Variants in ATXN10 observed in about 807,000 individuals in gnomAD.
ATXN10 encodes the protein ataxin-10.
In ATXN10, 28 loss-of-function variants were observed where a neutral mutation model predicts 52.9. The observed-to-expected ratio is 0.53, with a 90% CI of 0.39 to 0.73. ATXN10 has a LOEUF of 0.73. Among genes scored for constraint, ATXN10 ranks in the 30% least tolerant of loss-of-function variants. The pLI is 0.00. For missense variants in ATXN10, 565 were observed against 577.0 expected, an observed-to-expected ratio of 0.98 and a Z score of 0.21; for synonymous variants, 226 against 221.5, an observed-to-expected ratio of 1.02 and a Z score of -0.18.
rs759915005 is a variant in ATXN10, at chr22:45,708,674, C to G, written c.647+5827C>G. ...TTTCTTTTTGAGACAGAGTCTCACT[C>G]TGTTGCCCAGGCTGGAGTGCAGTGG... is the stretch of plus-strand genomic sequence containing the variant. On this transcript the variant is annotated intron_variant, in intron 5 of 11. Transcript: ENST00000252934. This position sits in a 1 kb window ranked among gnomAD's most constrained non-coding sequence, Gnocchi z 5.3. Among the ~76,000 whole-genome samples the G allele has an allele frequency of 1.6e-4, 25 of 152,306 alleles. No homozygotes were observed. The East Asian group carries it at 4.8e-3, about 29-fold the overall frequency.
chr22:45,788,274 C>G (rs1000125636), intron 9 of ATXN10, among the ~76,000 whole-genome samples: 2 of 152,034 alleles, frequency 1.3e-5, no homozygotes, highest in African/African-American at 4.8e-5. Flanking sequence ...GTGCCTCCCG[C>G]GAAATATGCC....
chr22:45,821,146 C>G (rs534536391), intron 10 of ATXN10, among the ~76,000 whole-genome samples: 13 of 152,218 alleles, frequency 8.5e-5, no homozygotes, highest in African/African-American at 3.1e-4. Context: ...AATATTTTCC[C>G]AGTTTTTTGA....
chr22:45,754,544 C>T lies in ATXN10; in HGVS notation c.1173+14006C>T, dbSNP rs1487226669. On this transcript the variant is annotated intron_variant, in intron 9 of 11. Coordinates refer to ENST00000252934, the MANE Select transcript of ATXN10 (RefSeq NM_013236.4). This position sits in a 1 kb window ranked among gnomAD's most constrained non-coding sequence, Gnocchi z 5.4. Reference sequence around the variant, plus strand: ...TAAGTTAAATGTGCAGGAAAGGCTTCCTCAAAGCCACTCAGTGGTGGGAGT... The same window carrying T: ...TAAGTTAAATGTGCAGGAAAGGCTTTCTCAAAGCCACTCAGTGGTGGGAGT... 2.0e-5 allele frequency among the ~76,000 whole-genome samples: 3 copies of T among 152,146 alleles called. No individual in the cohort carries two copies. Among genetic ancestry groups the T allele is most frequent in the African/African-American group, 7.2e-5 (3 of 41,438 alleles).
chr22:45,682,276 ACTT>A (rs369100013), intron 1 of ATXN10, among the ~76,000 whole-genome samples: 73 of 150,872 alleles, frequency 4.8e-4, no homozygotes, highest in East Asian at 2.0e-3. Context: ...GGCTTTAATA[ACTT>A]CCGTTTGCTG....
At chr22:45,703,231 G>A (rs1038441857) in intron 5 of ATXN10, among the ~76,000 whole-genome samples, 1 of 152,204 alleles carries the variant, frequency 6.6e-6, no homozygotes, top group Non-Finnish European at 1.5e-5. Context: ...CTGTGCAGAT[G>A]AGATAGAGAC....
At position 45,795,354 on chromosome 22, in the gene ATXN10, GATTCTATTCTATTCT is replaced by G. The variant is rs60726084; in HGVS notation, c.1174-11549_1174-11535del. ...ATCCAACTAAAAGACTACTAGAATG[GATTCTATTCTATTCT>G]ATTCTATTCTATTCTATTCTATTCT... On this transcript the variant is annotated intron_variant, in intron 9 of 11. Coordinates refer to ENST00000252934, the MANE Select transcript of ATXN10 (RefSeq NM_013236.4). The surrounding 1 kb of genome is among the most constrained non-coding windows in gnomAD (Gnocchi z 4.6). 0.022 allele frequency among the ~76,000 whole-genome samples: 2,747 copies of G among 126,616 alleles called. 45 individuals are homozygous for G. Among genetic ancestry groups the G allele is most frequent in the African/African-American group, 0.036 (1,188 of 33,322 alleles). 83.1% of individuals were successfully genotyped at this position (126,616 alleles called of 152,430 possible). A position where few individuals can be genotyped will look rare whatever the true frequency, so the allele number is the denominator to read the frequency against.
intron 9 of ATXN10, among the ~76,000 whole-genome samples, chr22:45,804,309 G>A (rs1490857741): frequency 8.5e-5 from 13 of 152,198 alleles, no homozygotes; most frequent in Admixed American, 8.5e-4. Context: ...AGAATTAAAC[G>A]AAGTCATTAA....
rs1569028382 is a variant in ATXN10, at chr22:45,701,089, C to G, written c.488+711C>G. The stretch of plus-strand genomic sequence containing the variant: ...CACAGTCTGGGAGTGGGAGACCTGG[C>G]TTTGAATCTAGGCTTTGGTGCCAAT... On this transcript the variant is annotated intron_variant, in intron 4 of 11. Transcript: ENST00000252934. The surrounding 1 kb of genome is among the most constrained non-coding windows in gnomAD (Gnocchi z 4.2). Among the ~76,000 whole-genome samples the G allele has an allele frequency of 6.6e-6, 1 of 152,140 alleles. No homozygotes were observed. The highest frequency in any genetic ancestry group is 1.5e-5 in the Non-Finnish European group (1 of 68,022).
Position 45,718,535 on chromosome 22 carries a change from A to G in ATXN10, c.728+42A>G, listed in dbSNP as rs984637284. ...CGTGGTCTGGAGTATTTAGCATTCC[A>G]TATAGGGTATTCGATGCACGTGACT... On this transcript the variant is annotated intron_variant, in intron 6 of 11. Transcript: ENST00000252934. This position sits in a 1 kb window ranked among gnomAD's most constrained non-coding sequence, Gnocchi z 4.4. The G allele has an allele frequency of 7.3e-6, 11 of 1,514,616 alleles. No individual in the cohort carries two copies. The highest frequency in any genetic ancestry group is 2.2e-5 in the South Asian group (2 of 89,062). The allele number at this position is 1,514,616 out of a possible 1,614,324, so 93.8% of individuals were successfully genotyped here. A position where few individuals can be genotyped will look rare whatever the true frequency, so the allele number is the denominator to read the frequency against.
chr22:45,671,950 C>G lies in ATXN10; in HGVS notation c.-114C>G, dbSNP rs946820768. On this transcript the variant is annotated 5_prime_UTR_variant, in exon 1 of 12. Coordinates refer to ENST00000252934, the MANE Select transcript of ATXN10 (RefSeq NM_013236.4). ...CGGCGGCGGTTAGGGCTGTGTAGGG[C>G]GAGGCCTCCCCCTTCCTCCTCGCCA... The G allele has an allele frequency of 9.3e-5, 113 of 1,219,724 alleles. 1 individual carries two copies. The highest frequency in any genetic ancestry group is 6.7e-4 in the South Asian group (49 of 73,224). The allele number at this position is 1,219,724 out of a possible 1,614,324, so 75.6% of individuals were successfully genotyped here.
intron 9 of ATXN10, among the ~76,000 whole-genome samples, chr22:45,747,497 C>T (rs997346200): frequency 1.1e-4 from 17 of 151,454 alleles, no homozygotes; most frequent in Admixed American, 1.1e-3. Context: ...GTGTGAGACC[C>T]TGTTTAAAAA....
chr22:45,756,600 A>G (rs1480935203), intron 9 of ATXN10, among the ~76,000 whole-genome samples: 4 of 152,242 alleles, frequency 2.6e-5, no homozygotes, highest in Admixed American at 2.6e-4. Flanking sequence ...GCTTGAAAAG[A>G]AAAGAGCTAA....
intron 9 of ATXN10, among the ~76,000 whole-genome samples, chr22:45,803,135 T>C (rs1927982826): frequency 6.6e-6 from 1 of 152,228 alleles, no homozygotes; most frequent in Non-Finnish European, 1.5e-5. Flanking sequence ...AGTTACTCTT[T>C]GAAGAAGGCA....
chr22:45,822,644 C>G (rs767056639), intron 10 of ATXN10, among the ~76,000 whole-genome samples: 1 of 150,452 alleles, frequency 6.6e-6, no homozygotes, highest in African/African-American at 2.5e-5. Context: ...GATTCTCCTG[C>G]CTGAGCCCCA....
At chr22:45,709,841 A>C (rs976766506) in intron 5 of ATXN10, among the ~76,000 whole-genome samples, 1 of 152,026 alleles carries the variant, frequency 6.6e-6, no homozygotes, top group Non-Finnish European at 1.5e-5. Flanking sequence ...TACTCTACCA[A>C]TGTTTATCCT....
At chr22:45,745,651 A>G (rs1925698863) in intron 9 of ATXN10, among the ~76,000 whole-genome samples, 1 of 152,232 alleles carries the variant, frequency 6.6e-6, no homozygotes, top group East Asian at 1.9e-4. Flanking sequence ...ACATAAAATA[A>G]TCTTTGTAAT....
rs1924525391 is a variant in ATXN10, at chr22:45,718,395, C to T, written c.648-18C>T. 4.4e-6 allele frequency: 7 copies of T among 1,599,648 alleles called. No individual in the cohort carries two copies. The highest frequency in any genetic ancestry group is 6.0e-6 in the Non-Finnish European group (7 of 1,167,030). On this transcript the variant is annotated intron_variant, in intron 5 of 11. Transcript: ENST00000252934. This position sits in a 1 kb window ranked among gnomAD's most constrained non-coding sequence, Gnocchi z 4.4. ...CTATGTTTCAAGTAACCAAACTTTC[C>T]TCCTCTTTTTTCCCTAGGTTCTTGA...
chr22:45,807,562 G>A (rs908205995), intron 10 of ATXN10, among the ~76,000 whole-genome samples: 4 of 152,258 alleles, frequency 2.6e-5, no homozygotes, highest in African/African-American at 9.6e-5. Flanking sequence ...GAAGCTGAGA[G>A]CACTGGCTCT....
In ATXN10 at chr22:45,759,873, A is replaced by T. The variant is rs1048299157; in HGVS notation, c.1173+19335A>T. On this transcript the variant is annotated intron_variant, in intron 9 of 11. Coordinates refer to ENST00000252934, the MANE Select transcript of ATXN10 (RefSeq NM_013236.4). This position sits in a 1 kb window ranked among gnomAD's most constrained non-coding sequence, Gnocchi z 5.4. Reference sequence around the variant, plus strand: ...TTTAATGAATGGCTGATAAGTTTTGACAGATGTCTGCACCTGTGTAATTAT... The same window carrying T: ...TTTAATGAATGGCTGATAAGTTTTGTCAGATGTCTGCACCTGTGTAATTAT... Among the ~76,000 whole-genome samples, 1 of 152,188 alleles carries T rather than the reference A, an allele frequency of 6.6e-6. No homozygotes were observed. The highest frequency in any genetic ancestry group is 1.5e-5 in the Non-Finnish European group (1 of 68,030).
Sources: gnomAD v4.1 joint callset for allele counts (sites outside exome capture counted in the v4.1 genomes callset) on GRCh38, gnomAD v4.1.1 for gene constraint, Gnocchi (gnomAD v3.1) non-coding constraint, MANE v1.5 for transcripts, NCBI Gene and HGNC (gene_info 2026-07-23, HGNC 2026-07-21) for gene names.